FBXO34: variants seen among roughly 807,000 people sequenced by gnomAD.
FBXO34 encodes the protein F-box only protein 34.
A neutral mutation model predicts 24.5 loss-of-function variants in FBXO34; 12 were observed. The observed-to-expected ratio is 0.49, with a 90% CI of 0.31 to 0.79. FBXO34 has a LOEUF of 0.79. Ranked by LOEUF, FBXO34 falls within the 30% of genes least tolerant of loss-of-function variation. The pLI is 0.04. For missense variants in FBXO34, 823 were observed against 857.7 expected (o/e 0.96, Z 0.51); for synonymous variants, 320 against 311.9 (o/e 1.03, Z -0.27).
the FBXO34 span, among the ~76,000 whole-genome samples, chr14:55,420,934 G>T: frequency 6.6e-6 from 1 of 151,834 alleles, no homozygotes; most frequent in Non-Finnish European, 1.5e-5. Context: ...AGTGGCAGGT[G>T]CCTGTAGTCC....
intron 1 of FBXO34, among the ~76,000 whole-genome samples, chr14:55,328,091 G>A (rs1883411525): frequency 6.6e-6 from 1 of 151,330 alleles, no homozygotes; most frequent in Admixed American, 6.6e-5. Context: ...AGAGTAGCTG[G>A]GATTACAGGT....
intron 1 of FBXO34, among the ~76,000 whole-genome samples, chr14:55,349,999 G>GGA (rs1471986238): frequency 6.6e-6 from 1 of 152,040 alleles, no homozygotes; most frequent in African/African-American, 2.4e-5. Flanking sequence ...TAGGGATCTT[G>GGA]GAGGAGTTCT....
At chr14:55,413,222 A>G in the FBXO34 span, among the ~76,000 whole-genome samples, 1 of 152,220 alleles carries the variant, frequency 6.6e-6, no homozygotes, top group Non-Finnish European at 1.5e-5. Flanking sequence ...TCTCGGGCTT[A>G]TGTTTCATTT....
At chr14:55,371,896 G>T (rs1411567266), downstream of FBXO34, among the ~76,000 whole-genome samples, 1 of 152,272 alleles carries the variant, frequency 6.6e-6, no homozygotes, top group East Asian at 1.9e-4. Context: ...TATTTTGCAA[G>T]GGTGAAAGGA....
chr14:55,308,503 A>G (rs1882629431), intron 1 of FBXO34, among the ~76,000 whole-genome samples: 2 of 152,208 alleles, frequency 1.3e-5, no homozygotes, highest in Admixed American at 1.3e-4. Context: ...CGGGTTAATT[A>G]TCTTTATTTT....
At chr14:55,427,223 C>A in the FBXO34 span, among the ~76,000 whole-genome samples, 1 of 151,104 alleles carries the variant, frequency 6.6e-6, no homozygotes. Flanking sequence ...AATGGGAGGA[C>A]TTTATAGGGA....
the FBXO34 span, among the ~76,000 whole-genome samples, chr14:55,375,909 AG>A: frequency 3.9e-5 from 6 of 152,196 alleles, no homozygotes; most frequent in Non-Finnish European, 8.8e-5. Flanking sequence ...CTTTCCTTGT[AG>A]GTTTATGATA....
At position 55,351,608 on chromosome 14, in the gene FBXO34, A is replaced by C; in HGVS notation, c.1218A>C (p.Glu406Asp). 3 of 1,614,208 alleles carry C rather than the reference A, an allele frequency of 1.9e-6. No homozygotes were observed. Among genetic ancestry groups the C allele is most frequent in the Non-Finnish European group, 1.7e-6 (2 of 1,180,034 alleles). Residue 406 changes from glutamate (E) to aspartate (D), a missense_variant, in exon 2 of 2, where the codon GAA becomes GAC. Glu to Asp is a conservative substitution (Grantham distance 45). Coordinates refer to ENST00000313833, the MANE Select transcript of FBXO34 (RefSeq NM_017943.4). ...AAAACAGCAACAGATATGATGTGGAAATGACAGATGAACTCGTTGGGTTAC... is the reference window on the plus strand; with the variant it reads ...AAAACAGCAACAGATATGATGTGGACATGACAGATGAACTCGTTGGGTTAC... ...AVKNSNRYDV[E>D]MTDELVGLPF... is the part of the protein sequence containing the mutation.
intron 1 of FBXO34, among the ~76,000 whole-genome samples, chr14:55,296,519 C>A (rs960179720): frequency 6.6e-6 from 1 of 150,840 alleles, no homozygotes; most frequent in African/African-American, 2.4e-5. Context: ...ATCAGCCTCC[C>A]GAGTAGCTGG....
At chr14:55,345,126 A>G (rs910831565) in intron 1 of FBXO34, among the ~76,000 whole-genome samples, 2 of 152,088 alleles carry the variant, frequency 1.3e-5, no homozygotes, top group South Asian at 2.1e-4. Context: ...GATGACCCCA[A>G]CATTTATTAA....
intron 1 of FBXO34, among the ~76,000 whole-genome samples, chr14:55,343,480 A>G (rs1255135346): frequency 6.6e-6 from 1 of 151,814 alleles, no homozygotes; most frequent in African/African-American, 2.4e-5. Context: ...CGAACTCCTG[A>G]CCTCGTGATC....
the FBXO34 span, among the ~76,000 whole-genome samples, chr14:55,438,155 T>C: frequency 6.6e-6 from 1 of 152,182 alleles, no homozygotes; most frequent in Non-Finnish European, 1.5e-5. Flanking sequence ...ATCTTATTTC[T>C]TTTCTGACCA....
chr14:55,409,093 G>A, the FBXO34 span, among the ~76,000 whole-genome samples: 2 of 152,346 alleles, frequency 1.3e-5, no homozygotes, highest in East Asian at 3.9e-4. Context: ...TACGTAGTCA[G>A]GAGAGAAATG....
At chr14:55,411,801 C>A in the FBXO34 span, 1 of 1,598,026 alleles carries the variant, frequency 6.3e-7, no homozygotes, top group Non-Finnish European at 8.5e-7. Flanking sequence ...GCCCGGGCTC[C>A]CTTCCCACTG....
chr14:55,392,530 T>C, the FBXO34 span, among the ~76,000 whole-genome samples: 1 of 151,144 alleles, frequency 6.6e-6, no homozygotes, highest in Non-Finnish European at 1.5e-5. Flanking sequence ...GCATCTATAG[T>C]CCCAGCTACC....
At chr14:55,320,367 G>T (rs912007114) in intron 1 of FBXO34, among the ~76,000 whole-genome samples, 1 of 152,204 alleles carries the variant, frequency 6.6e-6, no homozygotes, top group Non-Finnish European at 1.5e-5. Context: ...GTGGTTAGCT[G>T]CCCAAAGCTA....
chr14:55,436,690 G>C, the FBXO34 span: 1 of 1,614,204 alleles, frequency 6.2e-7, no homozygotes, highest in Non-Finnish European at 8.5e-7. Flanking sequence ...AGTATCACCA[G>C]GGTGCAGCTG....
At position 55,351,729 on chromosome 14, in the gene FBXO34, C is replaced by T. The variant is rs1159563120; in HGVS notation, c.1339C>T (p.Pro447Ser). 1 of 1,614,170 alleles carries T rather than the reference C, an allele frequency of 6.2e-7. No homozygotes were observed. The highest frequency in any genetic ancestry group is 1.7e-5 in the Admixed American group (1 of 60,016). ...GCTTGTGTCCCTTACTAGCCGAAAT[C>T]CTGATCAAAGAAAAGAATCTTTGTG... ...RELVSLTSRN[P>S]DQRKESLCIS... is the part of the protein sequence containing the mutation. Residue 447 changes from proline (P) to serine (S), a missense_variant, in exon 2 of 2, where the codon CCT becomes TCT. This residue lies in a region of FBXO34 where 693 missense variants were observed against 659.1 expected (regional missense o/e 1.05). Coordinates refer to ENST00000313833, the MANE Select transcript of FBXO34 (RefSeq NM_017943.4).
chr14:55,345,458 A>G (rs1884128074), intron 1 of FBXO34, among the ~76,000 whole-genome samples: 1 of 152,118 alleles, frequency 6.6e-6, no homozygotes, highest in South Asian at 2.1e-4. Context: ...AGCTTAGAAA[A>G]TCAGGACTTC....
Sources: allele counts gnomAD v4.1 joint callset (sites outside exome capture counted in the v4.1 genomes callset), GRCh38; gene constraint gnomAD v4.1.1; regional missense constraint gnomAD v4.1.1; transcripts MANE v1.5; gene names NCBI Gene and HGNC (gene_info 2026-07-23, HGNC 2026-07-21).